FHIT: variants seen among roughly 807,000 people sequenced by gnomAD.
FHIT encodes the protein bis(5'-adenosyl)-triphosphatase.
FHIT carries 19 observed loss-of-function variants against 17.9 expected under a neutral mutation model. The observed-to-expected ratio is 1.06, with a 90% CI of 0.74 to 1.56. The LOEUF (loss-of-function observed/expected upper bound fraction) is 1.56, where lower values mean the gene tolerates loss of function less well. Among genes scored for constraint, FHIT ranks in the 40% most tolerant of loss-of-function variants. The pLI is 0.00. For synonymous variants in FHIT, 81 were observed against 69.7 expected, an observed-to-expected ratio of 1.16 and a Z score of -0.81; for missense variants, 248 against 189.2, an observed-to-expected ratio of 1.31 and a Z score of -1.82.
At chr3:60,767,518 T>A (rs1269860797) in intron 4 of FHIT, among the ~76,000 whole-genome samples, 3 of 152,226 alleles carry the variant, frequency 2.0e-5, no homozygotes, top group Non-Finnish European at 2.9e-5. Flanking sequence ...GAGATTCTAA[T>A]CCAGACTATT....
intron 4 of FHIT, among the ~76,000 whole-genome samples, chr3:60,758,659 T>A (rs1012359972): frequency 5.3e-5 from 8 of 152,194 alleles, no homozygotes; most frequent in African/African-American, 1.9e-4. Context: ...GCTTAAAAAT[T>A]TAGATGTACA....
intron 2 of FHIT, among the ~76,000 whole-genome samples, chr3:61,054,299 G>A (rs2034136449): frequency 6.6e-6 from 1 of 152,110 alleles, no homozygotes; most frequent in Admixed American, 6.5e-5. Flanking sequence ...ATTCAGTAAT[G>A]TAGCTATAAT....
chr3:60,736,365 C>A (rs1017132436), intron 4 of FHIT, among the ~76,000 whole-genome samples: 7 of 151,064 alleles, frequency 4.6e-5, no homozygotes, highest in African/African-American at 1.7e-4. Context: ...TTATTCTTAA[C>A]AGCCAAAATG....
At chr3:60,568,966 A>C (rs1281587272) in intron 4 of FHIT, among the ~76,000 whole-genome samples, 1 of 142,070 alleles carries the variant, frequency 7.0e-6, no homozygotes, top group African/African-American at 2.7e-5. Flanking sequence ...ACAATTCATT[A>C]TGCTAGAGAT....
chr3:60,323,816 C>G (rs1031265142), intron 5 of FHIT, among the ~76,000 whole-genome samples: 4 of 152,140 alleles, frequency 2.6e-5, no homozygotes, highest in African/African-American at 7.2e-5. Context: ...AAACTGTAGC[C>G]GGAAGGGATC....
chr3:59,912,601 AG>A (rs2107146338), intron 8 of FHIT, among the ~76,000 whole-genome samples: 1 of 151,890 alleles, frequency 6.6e-6, no homozygotes, highest in African/African-American at 2.4e-5. Flanking sequence ...CAGAGAAGCC[AG>A]TGAAATTTCA....
At chr3:59,845,522 C>T (rs886408542) in intron 8 of FHIT, among the ~76,000 whole-genome samples, 2 of 151,830 alleles carry the variant, frequency 1.3e-5, no homozygotes, top group African/African-American at 2.4e-5. Context: ...CTTGTGTTTT[C>T]TTATTTAATC....
intron 5 of FHIT, among the ~76,000 whole-genome samples, chr3:60,477,684 T>G (rs1223670366): frequency 2.0e-5 from 3 of 152,220 alleles, no homozygotes; most frequent in African/African-American, 7.2e-5. Flanking sequence ...TATATACATA[T>G]GTAAACAATC....
intron 5 of FHIT, among the ~76,000 whole-genome samples, chr3:60,224,249 T>C (rs1704088741): frequency 6.6e-6 from 1 of 152,162 alleles, no homozygotes; most frequent in Non-Finnish European, 1.5e-5. Flanking sequence ...TCTTCCTGGT[T>C]CCAGAGTCCG....
chr3:60,325,302 AAGCCTC>A (rs1233991085), intron 5 of FHIT, among the ~76,000 whole-genome samples: 1 of 152,224 alleles, frequency 6.6e-6, no homozygotes, highest in Admixed American at 6.5e-5. Flanking sequence ...TAAGCCCCTT[AAGCCTC>A]ATATTGAGTT....
At chr3:60,201,893 T>C (rs566471085) in intron 5 of FHIT, among the ~76,000 whole-genome samples, 1 of 152,088 alleles carries the variant, frequency 6.6e-6, no homozygotes, top group East Asian at 1.9e-4. Context: ...GATTGAATTT[T>C]GTTACATTAG....
intron 1 of FHIT, among the ~76,000 whole-genome samples, chr3:61,203,222 A>T (rs1267557061): frequency 6.9e-6 from 1 of 144,214 alleles, no homozygotes; most frequent in Non-Finnish European, 1.5e-5. Context: ...GGTGGTGGGC[A>T]CCTGTAATCC....
chr3:61,009,269 A>T (rs925352905), intron 3 of FHIT, among the ~76,000 whole-genome samples: 4 of 152,210 alleles, frequency 2.6e-5, no homozygotes, highest in Non-Finnish European at 4.4e-5. Context: ...ACTTAGCGTC[A>T]GAAGGCCACG....
chr3:60,502,000 G>T (rs111476672), intron 5 of FHIT, among the ~76,000 whole-genome samples: 1 of 152,186 alleles, frequency 6.6e-6, no homozygotes, highest in Admixed American at 6.5e-5. Context: ...ATGACTGAGA[G>T]ACCGACGAGT....
intron 5 of FHIT, among the ~76,000 whole-genome samples, chr3:60,505,538 TAC>T (rs2034692422): frequency 6.6e-6 from 1 of 152,210 alleles, no homozygotes; most frequent in African/African-American, 2.4e-5. Context: ...TTGTAACTAA[TAC>T]AGACGCACAT....
At chr3:59,958,948 G>A (rs967089669) in intron 7 of FHIT, among the ~76,000 whole-genome samples, 1 of 152,150 alleles carries the variant, frequency 6.6e-6, no homozygotes, top group African/African-American at 2.4e-5. Context: ...TTTGGTATAG[G>A]CATTGAAAAG....
intron 3 of FHIT, among the ~76,000 whole-genome samples, chr3:60,880,151 A>C (rs1298175088): frequency 6.6e-6 from 1 of 152,184 alleles, no homozygotes; most frequent in Non-Finnish European, 1.5e-5. Context: ...CAGTACATTT[A>C]AGGGAATCCC....
chr3:60,150,720 C>T (rs1455368312), intron 5 of FHIT, among the ~76,000 whole-genome samples: 2 of 152,126 alleles, frequency 1.3e-5, no homozygotes, highest in African/African-American at 2.4e-5. Flanking sequence ...GAGTTCGAGA[C>T]CAGCCTGGCC....
intron 5 of FHIT, among the ~76,000 whole-genome samples, chr3:60,182,232 G>A (rs1056516381): frequency 2.0e-5 from 3 of 152,134 alleles, no homozygotes; most frequent in African/African-American, 7.2e-5. Flanking sequence ...CTGAAAACGG[G>A]ATTGACTAAA....
Sources: gnomAD v4.1 joint callset for allele counts (sites outside exome capture counted in the v4.1 genomes callset) on GRCh38, gnomAD v4.1.1 for gene constraint, MANE v1.5 for transcripts, NCBI Gene and HGNC (gene_info 2026-07-23, HGNC 2026-07-21) for gene names.